Variants in CAPZB observed in about 807,000 individuals in gnomAD.
The protein encoded by CAPZB is F-actin-capping protein subunit beta.
In CAPZB, 2 loss-of-function variants were observed where a neutral mutation model predicts 38.1. The ratio of observed to expected loss-of-function variants is 0.05; its 90% confidence interval spans 0.02 to 0.17. CAPZB has a LOEUF of 0.17. CAPZB is among the 10% of genes least tolerant of loss of function. CAPZB has a pLI of 1.00. For synonymous variants in CAPZB, 107 were observed against 127.4 expected (o/e 0.84, Z 1.08); for missense variants, 161 against 334.2 (o/e 0.48, Z 4.04).
At chr1:19,386,859 T>G (rs115947458) in intron 2 of CAPZB, among the ~76,000 whole-genome samples, 1 of 152,204 alleles carries the variant, frequency 6.6e-6, no homozygotes, top group Non-Finnish European at 1.5e-5. Context: ...CCCAAAGAGA[T>G]AGACATACAC....
intron 1 of CAPZB, among the ~76,000 whole-genome samples, chr1:19,472,846 T>TAGC: frequency 6.7e-6 from 1 of 149,666 alleles, no homozygotes; most frequent in Admixed American, 6.8e-5. Context: ...GCCTCCTGAG[T>TAGC]AGCTAGGACT....
intron 1 of CAPZB, among the ~76,000 whole-genome samples, chr1:19,462,701 T>C (rs1008053751): frequency 1.2e-4 from 18 of 152,234 alleles, no homozygotes; most frequent in African/African-American, 3.6e-4. Flanking sequence ...ACAGGTCCAG[T>C]TGAATGGCAT....
intron 2 of CAPZB, among the ~76,000 whole-genome samples, chr1:19,418,445 C>T (rs1015313646): frequency 9.9e-5 from 15 of 152,164 alleles, no homozygotes; most frequent in African/African-American, 2.2e-4. Flanking sequence ...CCTGAAATGT[C>T]GACTGTCTGG....
At chr1:19,353,808 G>A (rs531561079) in intron 6 of CAPZB, among the ~76,000 whole-genome samples, 6 of 152,366 alleles carry the variant, frequency 3.9e-5, no homozygotes, top group South Asian at 2.1e-4. Context: ...GCACACCTGC[G>A]GGAGGGGCCC....
chr1:19,443,803 T>C (rs1404435528), intron 1 of CAPZB, among the ~76,000 whole-genome samples: 1 of 152,168 alleles, frequency 6.6e-6, no homozygotes, highest in East Asian at 1.9e-4. Flanking sequence ...TGTCCCAGAC[T>C]CAGCCTTCCT....
At chr1:19,383,611 A>C (rs1043214011) in intron 3 of CAPZB, among the ~76,000 whole-genome samples, 3 of 152,172 alleles carry the variant, frequency 2.0e-5, no homozygotes, top group African/African-American at 7.2e-5. Context: ...CAGGCACAGA[A>C]TGAGCCCTTC....
At position 19,350,380 on chromosome 1, in the gene CAPZB, G is replaced by A. The variant is rs371781970; in HGVS notation, c.589-5128C>T. Reference sequence around the variant, plus strand: ...ACTTGCCAGAATGGCAGCTCTCACCGATTGTCAAAGCACAGCTCCATCCCC... The same window carrying A: ...ACTTGCCAGAATGGCAGCTCTCACCAATTGTCAAAGCACAGCTCCATCCCC... On this transcript the variant is annotated intron_variant, in intron 6 of 8. Coordinates refer to ENST00000264202, the MANE Select transcript of CAPZB (RefSeq NM_004930.5). Among the ~76,000 whole-genome samples, 16 of 152,376 alleles carry A rather than the reference G, an allele frequency of 1.1e-4. No individual in the cohort carries two copies. In the East Asian group the frequency reaches 2.1e-3, roughly 20 times the overall value.
chr1:19,349,496 C>T (rs1481779799), intron 6 of CAPZB, among the ~76,000 whole-genome samples: 2 of 152,142 alleles, frequency 1.3e-5, no homozygotes, highest in East Asian at 1.9e-4. Flanking sequence ...AAAGAGAGGC[C>T]GCGGCCATCG....
intron 1 of CAPZB, among the ~76,000 whole-genome samples, chr1:19,461,001 C>T (rs538776246): frequency 4.0e-5 from 6 of 151,798 alleles, no homozygotes; most frequent in Non-Finnish European, 8.8e-5. Context: ...GCTCAGCCTC[C>T]CTCTCTCAAG....
At position 19,471,761 on chromosome 1, in the gene CAPZB, G is replaced by A. The variant is rs1417975842; in HGVS notation, c.3+13675C>T. Among the ~76,000 whole-genome samples, 3 of 152,186 alleles carry A rather than the reference G, an allele frequency of 2.0e-5. No homozygotes were observed. The East Asian group carries it at 5.8e-4, about 29-fold the overall frequency. On this transcript the variant is annotated intron_variant, in intron 1 of 8. Coordinates refer to ENST00000264202, the MANE Select transcript of CAPZB (RefSeq NM_004930.5). ...GGGCGCCTGTAGTCCCAGCTACTCG[G>A]GAGGCTGAGACAGGAGAATGGCGTG...
At chr1:19,386,184 G>A (rs745364849) in intron 2 of CAPZB, among the ~76,000 whole-genome samples, 3 of 152,152 alleles carry the variant, frequency 2.0e-5, no homozygotes, top group Non-Finnish European at 4.4e-5. Flanking sequence ...ACAGCACAGA[G>A]CCCCAGTGGG....
At chr1:19,463,587 G>A (rs987122701) in intron 1 of CAPZB, among the ~76,000 whole-genome samples, 1 of 152,160 alleles carries the variant, frequency 6.6e-6, no homozygotes, top group African/African-American at 2.4e-5. Context: ...AGCTGGAACT[G>A]CCCAGGGTGC....
intron 1 of CAPZB, among the ~76,000 whole-genome samples, chr1:19,423,516 CTTTTTTTTTTTTTT>C (rs11340496): frequency 1.8e-5 from 2 of 113,270 alleles, no homozygotes; most frequent in Admixed American, 2.1e-4. Context: ...AGTGAACATT[CTTTTTTTTTTTTTT>C]TTTTTTTTTT....
chr1:19,346,762 G>A (rs1475793413), intron 6 of CAPZB, among the ~76,000 whole-genome samples: 1 of 150,810 alleles, frequency 6.6e-6, no homozygotes, highest in Non-Finnish European at 1.5e-5. Context: ...GGGCAAAACC[G>A]ACCTGTGATT....
intron 4 of CAPZB, among the ~76,000 whole-genome samples, chr1:19,369,455 T>C (rs1250552287): frequency 3.3e-5 from 5 of 152,260 alleles, no homozygotes; most frequent in African/African-American, 1.2e-4. Flanking sequence ...TAAGTGCTTC[T>C]GGCACTTTCT....
intron 4 of CAPZB, among the ~76,000 whole-genome samples, chr1:19,376,158 A>G (rs1046691586): frequency 6.6e-6 from 1 of 152,190 alleles, no homozygotes; most frequent in Non-Finnish European, 1.5e-5. Context: ...CCCCACCTCC[A>G]TATCTCAACA....
chr1:19,435,682 TG>T (rs2094456016), intron 1 of CAPZB, among the ~76,000 whole-genome samples: 1 of 152,210 alleles, frequency 6.6e-6, no homozygotes. Flanking sequence ...CAGTCTCAGA[TG>T]CAGAAACTGA....
intron 2 of CAPZB, among the ~76,000 whole-genome samples, chr1:19,410,506 G>T (rs535940490): frequency 1.3e-5 from 2 of 152,308 alleles, no homozygotes; most frequent in East Asian, 1.9e-4. Flanking sequence ...GTGGGGGGCT[G>T]CAATAGGAAG....
At chr1:19,412,755 G>A (rs1167304718) in intron 2 of CAPZB, among the ~76,000 whole-genome samples, 1 of 152,176 alleles carries the variant, frequency 6.6e-6, no homozygotes, top group Non-Finnish European at 1.5e-5. Context: ...TGAGAAACCG[G>A]TTAAAAGGTG....
Sources: allele counts gnomAD v4.1 joint callset (sites outside exome capture counted in the v4.1 genomes callset), GRCh38; gene constraint gnomAD v4.1.1; transcripts MANE v1.5; gene names NCBI Gene and HGNC (gene_info 2026-07-23, HGNC 2026-07-21).